Variants in ENTREP2 observed in about 807,000 individuals in gnomAD.
ENTREP2 encodes the protein endosomal transmembrane epsin interactor 2.
At chr15:29,613,539 C>T in the ENTREP2 span, 73 of 249,402 alleles carry the variant, frequency 2.9e-4, no homozygotes, top group African/African-American at 1.6e-3. Flanking sequence ...AATGCCCTCA[C>T]TCAAAGTGTT....
chr15:29,670,090 G>A, the ENTREP2 span, among the ~76,000 whole-genome samples: 1 of 152,160 alleles, frequency 6.6e-6, no homozygotes, highest in Admixed American at 6.6e-5. Flanking sequence ...TGATAAACTT[G>A]AGTGACATGC....
the ENTREP2 span, among the ~76,000 whole-genome samples, chr15:29,150,715 G>C: frequency 6.6e-6 from 1 of 152,114 alleles, no homozygotes; most frequent in Non-Finnish European, 1.5e-5. Flanking sequence ...AATTTTTAAC[G>C]TCTTGGTAAT....
At chr15:29,452,262 A>T in the ENTREP2 span, among the ~76,000 whole-genome samples, 1 of 151,938 alleles carries the variant, frequency 6.6e-6, no homozygotes, top group Non-Finnish European at 1.5e-5. Flanking sequence ...ACCCACCCCC[A>T]TCTCCCATTC....
At chr15:29,467,045 C>A in the ENTREP2 span, among the ~76,000 whole-genome samples, 1 of 149,096 alleles carries the variant, frequency 6.7e-6, no homozygotes, top group African/African-American at 2.5e-5. Context: ...GCTGATGGCC[C>A]CAGGGGAGGG....
the ENTREP2 span, among the ~76,000 whole-genome samples, chr15:29,185,509 T>C: frequency 3.9e-5 from 6 of 152,300 alleles, no homozygotes; most frequent in Admixed American, 2.6e-4. Flanking sequence ...GTGCTTTCAT[T>C]TGCCCTGCTG....
chr15:29,650,596 A>G, the ENTREP2 span, among the ~76,000 whole-genome samples: 1 of 149,768 alleles, frequency 6.7e-6, no homozygotes, highest in Non-Finnish European at 1.5e-5. Context: ...CCATCTCAAA[A>G]AAAACAAAAA....
chr15:29,155,431 C>G, the ENTREP2 span, among the ~76,000 whole-genome samples: 1 of 152,222 alleles, frequency 6.6e-6, no homozygotes, highest in African/African-American at 2.4e-5. Context: ...GAGCACCAGG[C>G]ACTGTTATCA....
chr15:29,640,628 C>A, the ENTREP2 span, among the ~76,000 whole-genome samples: 1 of 148,772 alleles, frequency 6.7e-6, no homozygotes, highest in Non-Finnish European at 1.5e-5. Context: ...CCAGTCTGGG[C>A]AACAGAGTGA....
chr15:29,484,681 A>G, the ENTREP2 span, among the ~76,000 whole-genome samples: 2 of 152,186 alleles, frequency 1.3e-5, no homozygotes, highest in South Asian at 2.1e-4. Flanking sequence ...AGAAACACTC[A>G]GCTAAGATGC....
At chr15:29,242,035 C>G in the ENTREP2 span, among the ~76,000 whole-genome samples, 1 of 152,006 alleles carries the variant, frequency 6.6e-6, no homozygotes, top group African/African-American at 2.4e-5. Context: ...TAGGTGAGAC[C>G]CTGGACCCTG....
At chr15:29,625,693 T>G in the ENTREP2 span, among the ~76,000 whole-genome samples, 2 of 151,668 alleles carry the variant, frequency 1.3e-5, no homozygotes, top group African/African-American at 4.8e-5. Context: ...CCACACCTGG[T>G]TGTACATGCC....
chr15:29,251,781 T>C, the ENTREP2 span, among the ~76,000 whole-genome samples: 1 of 146,144 alleles, frequency 6.8e-6, no homozygotes, highest in Non-Finnish European at 1.5e-5. Flanking sequence ...CAGCTATCGC[T>C]AGTTTTAGTG....
At chr15:29,635,440 C>T in the ENTREP2 span, among the ~76,000 whole-genome samples, 2 of 152,268 alleles carry the variant, frequency 1.3e-5, no homozygotes, top group South Asian at 2.1e-4. Context: ...CACCCAGCCT[C>T]GTCCATAGTG....
At chr15:29,398,393 G>A in the ENTREP2 span, among the ~76,000 whole-genome samples, 8 of 152,086 alleles carry the variant, frequency 5.3e-5, no homozygotes, top group East Asian at 3.9e-4. Flanking sequence ...CATGGAAGAC[G>A]TCCAATAGAA....
the ENTREP2 span, among the ~76,000 whole-genome samples, chr15:29,400,576 C>T: frequency 2.2e-4 from 34 of 152,252 alleles, no homozygotes; most frequent in East Asian, 2.5e-3. Flanking sequence ...TTAATCTCTA[C>T]GTTTCAACAT....
At chr15:29,234,629 T>C in the ENTREP2 span, 1 of 1,558,916 alleles carries the variant, frequency 6.4e-7, no homozygotes, top group Non-Finnish European at 8.8e-7. Flanking sequence ...GATGCGTGTA[T>C]CAAACCACCT....
the ENTREP2 span, among the ~76,000 whole-genome samples, chr15:29,280,767 C>G: frequency 6.6e-6 from 1 of 152,230 alleles, no homozygotes; most frequent in African/African-American, 2.4e-5. Context: ...CCTCAAAATG[C>G]ATGAAAGGCG....
the ENTREP2 span, among the ~76,000 whole-genome samples, chr15:29,365,363 C>T: frequency 6.6e-6 from 1 of 151,540 alleles, no homozygotes; most frequent in South Asian, 2.1e-4. Context: ...AGAGATCCTT[C>T]CATCTCAGCC....
the ENTREP2 span, among the ~76,000 whole-genome samples, chr15:29,395,026 A>G: frequency 0.011 from 1,714 of 149,948 alleles, 40 homozygotes; most frequent in African/African-American, 0.041. Flanking sequence ...TAGCTGGGCT[A>G]CAGGCGCCCA....
Sources: allele counts gnomAD v4.1 joint callset (sites outside exome capture counted in the v4.1 genomes callset), GRCh38; gene constraint gnomAD v4.1.1; transcripts MANE v1.5; gene names NCBI Gene and HGNC (gene_info 2026-07-23, HGNC 2026-07-21).